ARHGEF7: variants seen among roughly 807,000 people sequenced by gnomAD.
The protein encoded by ARHGEF7 is PAK-interacting exchange factor beta.
In ARHGEF7, 33 loss-of-function variants were observed where a neutral mutation model predicts 109.8. The observed-to-expected ratio is 0.30, with a 90% CI of 0.23 to 0.40. ARHGEF7 has a LOEUF of 0.40. Ranked by LOEUF, ARHGEF7 falls within the 10% of genes least tolerant of loss-of-function variation. The pLI is 1.00. For missense variants in ARHGEF7, 938 were observed against 1,098.5 expected (o/e 0.85, Z 2.07); for synonymous variants, 458 against 424.6 (o/e 1.08, Z -0.97).
rs1322561561 is a variant in ARHGEF7, at chr13:111,280,654, C to T, written c.1702C>T (p.Pro568Ser). 1.2e-6 allele frequency: 2 copies of T among 1,604,628 alleles called. No individual in the cohort carries two copies. The highest frequency in any genetic ancestry group is 1.3e-5 in the African/African-American group (1 of 74,660). Reference sequence around the variant, plus strand: ...GTCTGTGGGAAACCCCACCATAAAGCCTCATTCAGTGCCATCTCATACCGT... The same window carrying T: ...GTCTGTGGGAAACCCCACCATAAAGTCTCATTCAGTGCCATCTCATACCGT... ...VTSVGNPTIK[P>S]HSVPSHTLPS... is the part of the protein sequence containing the mutation. The change falls in exon 15 of 22, where the codon CCT (proline) becomes TCT (serine). Residue 568 changes from proline (P) to serine (S), a missense_variant. Around this residue, in one of 4 missense-constraint regions of ARHGEF7, gnomAD observed 585 missense variants for 723.6 expected, o/e 0.81. Transcript: ENST00000646102.
At chr13:111,206,086 G>A (rs2081799514) in intron 3 of ARHGEF7, among the ~76,000 whole-genome samples, 1 of 151,940 alleles carries the variant, frequency 6.6e-6, no homozygotes, top group Admixed American at 6.6e-5. Flanking sequence ...TGCTTTTTTG[G>A]TCTTATTAGA....
chr13:111,298,817 C>G, intron 19 of ARHGEF7, among the ~76,000 whole-genome samples: 1 of 152,202 alleles, frequency 6.6e-6, no homozygotes, highest in Non-Finnish European at 1.5e-5. Context: ...GGAGACACAA[C>G]AGCATGAGGG....
At chr13:111,124,516 TC>T (rs901007515) in intron 1 of ARHGEF7, among the ~76,000 whole-genome samples, 19 of 152,188 alleles carry the variant, frequency 1.2e-4, no homozygotes, top group African/African-American at 4.3e-4. Flanking sequence ...GGTTCACTTT[TC>T]CCCAGAGAAT....
In ARHGEF7 at chr13:111,303,964, T is replaced by C. The variant is rs1269474183; in HGVS notation, c.*851T>C. 2 of 152,244 alleles carry C rather than the reference T, an allele frequency of 1.3e-5. No individual in the cohort carries two copies. Among genetic ancestry groups the C allele is most frequent in the African/African-American group, 2.4e-5 (1 of 41,460 alleles). 9.4% of individuals were successfully genotyped at this position (152,244 alleles called of 1,614,324 possible). On this transcript the variant is annotated 3_prime_UTR_variant, in exon 22 of 22. Transcript: ENST00000646102. ...TTTTGTCTTCCCTCAAAGAGAGATC[T>C]TACTAGAACCTGTAAATAGAATGTA...
At chr13:111,170,549 C>T (rs1031646617) in intron 2 of ARHGEF7, among the ~76,000 whole-genome samples, 17 of 152,206 alleles carry the variant, frequency 1.1e-4, no homozygotes, top group Admixed American at 8.5e-4. Context: ...GCGTTATCAA[C>T]GGCCTTGCAC....
intron 1 of ARHGEF7, among the ~76,000 whole-genome samples, chr13:111,130,178 T>C (rs2074665869): frequency 6.6e-6 from 1 of 152,206 alleles, no homozygotes; most frequent in Non-Finnish European, 1.5e-5. Flanking sequence ...AGTGCTCGCT[T>C]GGGGACAATA....
chr13:111,164,344 C>T (rs140019138), intron 2 of ARHGEF7, among the ~76,000 whole-genome samples: 35 of 152,286 alleles, frequency 2.3e-4, no homozygotes, highest in African/African-American at 7.2e-4. Flanking sequence ...ATGCTGCTGC[C>T]TAGTGTGGCA....
At chr13:111,179,808 G>T (rs1186059507) in intron 2 of ARHGEF7, among the ~76,000 whole-genome samples, 1 of 152,136 alleles carries the variant, frequency 6.6e-6, no homozygotes, top group Non-Finnish European at 1.5e-5. Context: ...ACATGATTTG[G>T]TTCAGGTTAG....
intron 21 of ARHGEF7, among the ~76,000 whole-genome samples, chr13:111,302,080 A>G (rs538256656): frequency 1.9e-4 from 29 of 152,328 alleles, no homozygotes; most frequent in African/African-American, 7.0e-4. Flanking sequence ...AATTTAAAAT[A>G]TCGAAAGTTC....
intron 1 of ARHGEF7, among the ~76,000 whole-genome samples, chr13:111,130,211 G>A (rs1052878958): frequency 6.6e-6 from 1 of 152,214 alleles, no homozygotes; most frequent in Admixed American, 6.5e-5. Flanking sequence ...GAAAGTGATT[G>A]TGGAGTAGCT....
chr13:111,172,259 G>T (rs1029490743), intron 2 of ARHGEF7, among the ~76,000 whole-genome samples: 8 of 152,010 alleles, frequency 5.3e-5, no homozygotes, highest in African/African-American at 1.9e-4. Context: ...TAGTCTCTTT[G>T]GAAATGTGGT....
intron 8 of ARHGEF7, among the ~76,000 whole-genome samples, chr13:111,252,588 T>C (rs1047298589): frequency 6.6e-6 from 1 of 152,252 alleles, no homozygotes; most frequent in Non-Finnish European, 1.5e-5. Context: ...TCAAATACTT[T>C]AACGGCAGCT....
chr13:111,260,070 C>G (rs2090919143), intron 8 of ARHGEF7, among the ~76,000 whole-genome samples: 1 of 151,898 alleles, frequency 6.6e-6, no homozygotes, highest in Non-Finnish European at 1.5e-5. Flanking sequence ...ACAGAAGAGA[C>G]TAAAGAAAGA....
intron 19 of ARHGEF7, chr13:111,294,132 G>C (rs979787732): frequency 1.0e-6 from 1 of 985,232 alleles, no homozygotes; most frequent in Non-Finnish European, 1.2e-6. Flanking sequence ...GCAGAGATGG[G>C]GTTTATGTAT....
chr13:111,163,615 A>C (rs574092623), intron 2 of ARHGEF7, among the ~76,000 whole-genome samples: 2 of 152,132 alleles, frequency 1.3e-5, no homozygotes, highest in East Asian at 3.9e-4. Flanking sequence ...CCCAGGCTGG[A>C]GTACAGTGGC....
chr13:111,297,516 A>C (rs140457477), intron 19 of ARHGEF7, among the ~76,000 whole-genome samples: 4 of 152,356 alleles, frequency 2.6e-5, no homozygotes, highest in African/African-American at 4.8e-5. Context: ...TAATGGAATG[A>C]CTTTTACCTT....
At chr13:111,178,347 T>C (rs1316725560) in intron 2 of ARHGEF7, among the ~76,000 whole-genome samples, 2 of 152,254 alleles carry the variant, frequency 1.3e-5, no homozygotes, top group African/African-American at 2.4e-5. Context: ...ACATTTAATG[T>C]GTTTTTAAAA....
chr13:111,293,145 C>T, intron 19 of ARHGEF7: 1 of 985,418 alleles, frequency 1.0e-6, no homozygotes, highest in Non-Finnish European at 1.2e-6. Context: ...CAGTTTAAAG[C>T]CCGAAAGCTG....
intron 9 of ARHGEF7, among the ~76,000 whole-genome samples, chr13:111,270,852 C>T (rs1044525661): frequency 2.6e-5 from 4 of 152,182 alleles, no homozygotes; most frequent in Non-Finnish European, 5.9e-5. Flanking sequence ...ATATAAATTG[C>T]TCCTGTCTGA....
Sources: gnomAD v4.1 joint callset for allele counts (sites outside exome capture counted in the v4.1 genomes callset) on GRCh38, gnomAD v4.1.1 for gene constraint, gnomAD v4.1.1 regional missense constraint, MANE v1.5 for transcripts, NCBI Gene and HGNC (gene_info 2026-07-23, HGNC 2026-07-21) for gene names.